Variants in ZNF578 observed in about 807,000 individuals in gnomAD.
ZNF578 encodes Putative chemokine-related protein B42.
ZNF578 carries 8 observed loss-of-function variants against 8.3 expected under a neutral mutation model. The ratio of observed to expected loss-of-function variants is 0.96; its 90% CI spans 0.56 to 1.74. ZNF578 has a LOEUF of 1.74. Among genes scored for constraint, ZNF578 ranks in the 40% most tolerant of loss-of-function variants. The pLI is 0.00. For synonymous variants in ZNF578, 206 were observed against 232.2 expected (o/e 0.89, Z 1.03); for missense variants, 726 against 707.5 (o/e 1.03, Z -0.30).
At chr19:52,499,427 GCT>G in intron 3 of ZNF578, among the ~76,000 whole-genome samples, 1 of 152,220 alleles carries the variant, frequency 6.6e-6, no homozygotes, top group East Asian at 1.9e-4. Context: ...AGTCTCCTCA[GCT>G]CTCTCCTGGG....
At chr19:52,492,156 TCAAAAAAAAAA>T (rs1432850791) in intron 3 of ZNF578, among the ~76,000 whole-genome samples, 10 of 36,484 alleles carry the variant, frequency 2.7e-4, no homozygotes, top group African/African-American at 1.2e-3. Context: ...AGATTCTGTC[TCAAAAAAAAAA>T]AAAAAAAAAA....
intron 2 of ZNF578, among the ~76,000 whole-genome samples, chr19:52,459,761 A>G (rs1480736755): frequency 2.2e-4 from 3 of 13,376 alleles, no homozygotes; most frequent in Non-Finnish European, 3.1e-4. Context: ...GTATATATAT[A>G]TATATATATT....
chr19:52,462,839 T>C (rs1004183846), intron 2 of ZNF578, among the ~76,000 whole-genome samples: 11 of 152,190 alleles, frequency 7.2e-5, no homozygotes, highest in African/African-American at 2.7e-4. Flanking sequence ...AAGCTGGTTT[T>C]CTCCTGGGGA....
chr19:52,508,122 A>G (rs2059431727), intron 5 of ZNF578, among the ~76,000 whole-genome samples: 1 of 151,622 alleles, frequency 6.6e-6, no homozygotes, highest in African/African-American at 2.4e-5. Context: ...CGCGCAGTGC[A>G]GATCACGAAG....
intron 4 of ZNF578, among the ~76,000 whole-genome samples, chr19:52,504,188 T>TCAAGTGATTCTCCTGCCTC (rs770615187): frequency 4.0e-5 from 6 of 151,812 alleles, no homozygotes; most frequent in Admixed American, 2.0e-4. Flanking sequence ...TCTCCTGACT[T>TCAAGTGATTCTCCTGCCTC]CAAGTGATTC....
At chr19:52,483,725 T>C (rs1228101339) in intron 2 of ZNF578, among the ~76,000 whole-genome samples, 1 of 152,230 alleles carries the variant, frequency 6.6e-6, no homozygotes, top group African/African-American at 2.4e-5. Context: ...GCAATGCATA[T>C]ATATAAAATT....
In ZNF578 at chr19:52,511,245, G is replaced by T. The variant is rs1240296555; in HGVS notation, c.864G>T (p.Lys288Asn). The T allele has an allele frequency of 1.1e-5, 17 of 1,614,132 alleles. No homozygotes were observed. Among genetic ancestry groups the T allele is most frequent in the Non-Finnish European group, 1.4e-5 (17 of 1,180,002 alleles). ...RRCHTSEKPY[K>N]CNECGKSFSY... ...GTCACACTAGTGAGAAACCTTACAAGTGTAATGAATGTGGAAAGTCCTTCA... is the reference window on the plus strand; with the variant it reads ...GTCACACTAGTGAGAAACCTTACAATTGTAATGAATGTGGAAAGTCCTTCA... The change falls in exon 6 of 6, where the codon AAG becomes AAT. Residue 288 changes from lysine (K) to asparagine (N), a missense_variant. By Grantham distance (94) the Lys-to-Asn change is moderately conservative. Coordinates refer to ENST00000421239, the MANE Select transcript of ZNF578 (RefSeq NM_001099694.2).
chr19:52,497,477 T>A (rs2059391115), intron 3 of ZNF578, among the ~76,000 whole-genome samples: 1 of 152,236 alleles, frequency 6.6e-6, no homozygotes, highest in Admixed American at 6.5e-5. Flanking sequence ...TGCCCTGGCC[T>A]CCCAAAGTGC....
At chr19:52,460,817 G>A (rs2059255540) in intron 2 of ZNF578, among the ~76,000 whole-genome samples, 1 of 152,118 alleles carries the variant, frequency 6.6e-6, no homozygotes, top group South Asian at 2.1e-4. Flanking sequence ...CAATTGAGAT[G>A]ATGGCATTGT....
At chr19:52,508,089 G>A (rs1039862546) in intron 5 of ZNF578, among the ~76,000 whole-genome samples, 1 of 152,072 alleles carries the variant, frequency 6.6e-6, no homozygotes, top group Non-Finnish European at 1.5e-5. Flanking sequence ...GCTCATGCCT[G>A]TAATCCCAGC....
At position 52,493,629 on chromosome 19, in the gene ZNF578, G is replaced by A. The variant is rs559523766; in HGVS notation, c.-20+2204G>A. 4.6e-5 allele frequency among the ~76,000 whole-genome samples: 7 copies of A among 152,126 alleles called. No homozygotes were observed. The East Asian group carries it at 7.7e-4, about 17-fold the overall frequency. On this transcript the variant is annotated intron_variant, in intron 3 of 5. Coordinates refer to ENST00000421239, the MANE Select transcript of ZNF578 (RefSeq NM_001099694.2). ...ATTTAACAGGGAGAGCAGAGGAGACGCAGAGATAAGAGGCGGTAATATATA... is the reference window on the plus strand; with the variant it reads ...ATTTAACAGGGAGAGCAGAGGAGACACAGAGATAAGAGGCGGTAATATATA...
At chr19:52,493,670 C>A (rs1317790572) in intron 3 of ZNF578, among the ~76,000 whole-genome samples, 1 of 151,730 alleles carries the variant, frequency 6.6e-6, no homozygotes, top group Non-Finnish European at 1.5e-5. Flanking sequence ...TGAGGACGAT[C>A]GAAAGATTGG....
intron 3 of ZNF578, among the ~76,000 whole-genome samples, chr19:52,494,963 C>T (rs1439740678): frequency 6.6e-6 from 1 of 152,012 alleles, no homozygotes; most frequent in Non-Finnish European, 1.5e-5. Flanking sequence ...TCCTGAGTAG[C>T]TGAGACCACT....
intron 2 of ZNF578, among the ~76,000 whole-genome samples, chr19:52,488,061 TCTA>T (rs1325250093): frequency 1.3e-5 from 2 of 151,622 alleles, no homozygotes; most frequent in Non-Finnish European, 2.9e-5. Context: ...TTCAAGCAAT[TCTA>T]CTGCCTCAGC....
intron 5 of ZNF578, among the ~76,000 whole-genome samples, chr19:52,505,013 G>A (rs191826320): frequency 3.3e-5 from 5 of 152,210 alleles, no homozygotes; most frequent in East Asian, 1.9e-4. Context: ...TCAGCCTCCC[G>A]AGGGGCTGGG....
At chr19:52,504,833 C>G in intron 5 of ZNF578, 52 bp downstream of exon 5, 1 of 1,602,134 alleles carries the variant, frequency 6.2e-7, no homozygotes. Flanking sequence ...TCTGTCTTGG[C>G]TCTTCCTGGT....
chr19:52,475,466 C>T (rs1673904), intron 2 of ZNF578, among the ~76,000 whole-genome samples: 15,603 of 151,646 alleles, frequency 0.1, 1,387 homozygotes, highest in East Asian at 0.33. Flanking sequence ...AAGCAGTTCT[C>T]CTGCCTCAGC....
In ZNF578 at chr19:52,516,663, A is replaced by G. The variant is rs748623415; in HGVS notation, c.*4509A>G. 1.3e-5 allele frequency among the ~76,000 whole-genome samples: 2 copies of G among 151,984 alleles called. No individual in the cohort carries two copies. Among genetic ancestry groups the G allele is most frequent in the Non-Finnish European group, 2.9e-5 (2 of 68,014 alleles). On this transcript the variant is annotated 3_prime_UTR_variant, in exon 6 of 6. Coordinates refer to ENST00000421239, the MANE Select transcript of ZNF578 (RefSeq NM_001099694.2). ...TCTTGACTGATCAATGTGCTTTGTA[A>G]TCTCCCCCACCCTTCAGAAGGCTCT...
rs575876717 is a variant in ZNF578, at chr19:52,485,432, G to A, written c.-121-5892G>A. ...CACCCTCAGTAATACCTGCAGTGGC[G>A]CAGGTGCTTGTCATCTGTGCGCAGC... On this transcript the variant is annotated intron_variant, in intron 2 of 5. Transcript: ENST00000421239. Among the ~76,000 whole-genome samples the A allele has an allele frequency of 2.0e-5, 3 of 152,300 alleles. No individual in the cohort carries two copies. The East Asian group carries it at 5.8e-4, about 30-fold the overall frequency.
Sources: allele counts gnomAD v4.1 joint callset (sites outside exome capture counted in the v4.1 genomes callset), GRCh38; gene constraint gnomAD v4.1.1; transcripts MANE v1.5; gene names NCBI Gene and HGNC (gene_info 2026-07-23, HGNC 2026-07-21).